ABCC9: variants seen among roughly 807,000 people sequenced by gnomAD.
The protein encoded by ABCC9 is ATP-binding cassette sub-family C member 9.
ABCC9 carries 95 observed loss-of-function variants against 188.3 expected under a neutral mutation model. The observed-to-expected ratio is 0.50, with a 90% CI of 0.43 to 0.60. The LOEUF (loss-of-function observed/expected upper bound fraction) is 0.60. Among genes scored for constraint, ABCC9 ranks in the 20% least tolerant of loss-of-function variants. The pLI, the probability that ABCC9 is intolerant of heterozygous loss-of-function variation, is 0.00. For missense variants in ABCC9, 1,102 were observed against 1,876.3 expected (o/e 0.59, Z 7.62); for synonymous variants, 659 against 652.7 (o/e 1.01, Z -0.15).
chr12:21,861,158 G>T, intron 20 of ABCC9, 103 bp from the exon 21 acceptor site: 1 of 926,054 alleles, frequency 1.1e-6, no homozygotes, highest in African/African-American at 1.6e-5. Flanking sequence ...AACATTTGCT[G>T]AATCACTTAT....
At chr12:21,831,962 C>T (rs1943785920) in intron 30 of ABCC9, among the ~76,000 whole-genome samples, 1 of 152,142 alleles carries the variant, frequency 6.6e-6, no homozygotes, top group Admixed American at 6.5e-5. Context: ...TTCAGATCCA[C>T]TCTTAAAGAG....
chr12:21,901,967 A>G (rs1025851891), intron 12 of ABCC9, among the ~76,000 whole-genome samples: 3 of 152,252 alleles, frequency 2.0e-5, no homozygotes, highest in African/African-American at 7.2e-5. Flanking sequence ...ATAGACATCT[A>G]CAGAACTCTC....
intron 31 of ABCC9, chr12:21,828,658 T>C: frequency 2.6e-6 from 1 of 387,338 alleles, no homozygotes; most frequent in South Asian, 2.2e-5. Context: ...CCAAATGTGC[T>C]CTTTTGGAAA....
chr12:21,850,428 G>A (rs745936106), intron 24 of ABCC9, among the ~76,000 whole-genome samples: 1 of 151,908 alleles, frequency 6.6e-6, no homozygotes, highest in Non-Finnish European at 1.5e-5. Flanking sequence ...AAGGATTCTG[G>A]GCAGGTGCGT....
chr12:21,870,918 C>A (rs959126226), intron 18 of ABCC9, among the ~76,000 whole-genome samples: 1 of 152,062 alleles, frequency 6.6e-6, no homozygotes, highest in African/African-American at 2.4e-5. Flanking sequence ...TTTCTTTATT[C>A]ATTAACACAA....
intron 22 of ABCC9, 71 bp downstream of exon 22, chr12:21,859,515 C>G: frequency 6.9e-7 from 1 of 1,449,454 alleles, no homozygotes; most frequent in Non-Finnish European, 9.7e-7. Context: ...ACTTGACTTA[C>G]ACCTTTTTAA....
chr12:21,909,000 GC>G (rs978406661), intron 10 of ABCC9, among the ~76,000 whole-genome samples: 3 of 151,734 alleles, frequency 2.0e-5, no homozygotes, highest in Admixed American at 2.0e-4. Context: ...TATAATTTAT[GC>G]CTATATGCCA....
At position 21,910,301 on chromosome 12, in the gene ABCC9, A is replaced by G. The variant is rs2137869502; in HGVS notation, c.1176T>C (p.Tyr392=). ...ACGTAGAGAGCCTAAGGATTTTATT[A>G]TAAATCATGGCCTACCAAAAAAAAA... ...NLRGALLAMI[Y]NKILRLSTSN... Residue 392 remains tyrosine, a synonymous_variant, in exon 10 of 40, where the codon TAT becomes TAC. Transcript: ENST00000261200. 10 of 1,591,934 alleles carry G rather than the reference A, an allele frequency of 6.3e-6. No homozygotes were observed. The highest frequency in any genetic ancestry group is 8.5e-6 in the Non-Finnish European group (10 of 1,171,456).
At chr12:21,828,320 A>T (rs1943512344) in intron 31 of ABCC9, 2 of 155,736 alleles carry the variant, frequency 1.3e-5, no homozygotes, top group Admixed American at 1.2e-4. Context: ...CATGCATTCG[A>T]AAGACATTTC....
chr12:21,931,764 C>T (rs937064705), intron 4 of ABCC9, among the ~76,000 whole-genome samples: 4 of 152,008 alleles, frequency 2.6e-5, no homozygotes, highest in Non-Finnish European at 5.9e-5. Context: ...AAAATTAAGC[C>T]TAGAATTGGC....
chr12:21,909,326 A>G (rs970688667), intron 10 of ABCC9, among the ~76,000 whole-genome samples: 2 of 151,970 alleles, frequency 1.3e-5, no homozygotes, highest in Admixed American at 1.3e-4. Context: ...ATAAGTTAAA[A>G]ACTAGCATCT....
intron 15 of ABCC9, among the ~76,000 whole-genome samples, chr12:21,884,123 G>A (rs1026224719): frequency 6.6e-6 from 1 of 150,942 alleles, no homozygotes; most frequent in Non-Finnish European, 1.5e-5. Flanking sequence ...CCAGGCTGGA[G>A]TGCAGTGGCA....
At chr12:21,820,491 TTATATATATAGCC>T (rs1942974156) in intron 31 of ABCC9, among the ~76,000 whole-genome samples, 1 of 151,922 alleles carries the variant, frequency 6.6e-6, no homozygotes, top group South Asian at 2.1e-4. Flanking sequence ...TGACAAAGCC[TTATATATATAGCC>T]TATATATATA....
rs1209534701 is a variant in ABCC9 at position 21,941,382 on chromosome 12, C to A, written c.-319G>T. The stretch of plus-strand genomic sequence containing the variant: ...TGGGCAGAAGCCCCGCGCGCCGCGC[C>A]TGGGGCCGGAGACCTTCCCCATCCC... On this transcript the variant is annotated 5_prime_UTR_variant, in exon 1 of 40. The change creates a new upstream start codon in the 5' untranslated region. Coordinates refer to ENST00000261200, the MANE Select transcript of ABCC9 (RefSeq NM_020297.4). The surrounding 1 kb of genome is among the most constrained non-coding windows in gnomAD (Gnocchi z 5.4). 1 of 152,388 alleles carries A rather than the reference C, an allele frequency of 6.6e-6. No homozygotes were observed. Among genetic ancestry groups the A allele is most frequent in the East Asian group, 1.9e-4 (1 of 5,176 alleles). The allele number at this position is 152,388 out of a possible 1,614,324, so 9.4% of individuals were successfully genotyped here. A position where few individuals can be genotyped will look rare whatever the true frequency, so the allele number is the denominator to read the frequency against.
At chr12:21,924,958 T>C (rs1948990736) in intron 5 of ABCC9, 1 of 152,218 alleles carries the variant, frequency 6.6e-6, no homozygotes, top group Non-Finnish European at 1.5e-5. Context: ...TCAATATCTT[T>C]CATGCATCCA....
chr12:21,819,038 T>C (rs940585072), intron 31 of ABCC9, among the ~76,000 whole-genome samples: 1 of 152,168 alleles, frequency 6.6e-6, no homozygotes, highest in African/African-American at 2.4e-5. Context: ...TTATAAACTC[T>C]TTTCCAAAAT....
At chr12:21,882,959 AGTTCC>A in intron 15 of ABCC9, 86 bp from the exon 16 acceptor site, 1 of 997,264 alleles carries the variant, frequency 1.0e-6, no homozygotes, top group Admixed American at 1.8e-5. Context: ...TTGCTACCTA[AGTTCC>A]AAGAAAAAGA....
intron 16 of ABCC9, among the ~76,000 whole-genome samples, chr12:21,878,750 T>G (rs1438040232): frequency 7.1e-6 from 1 of 140,736 alleles, no homozygotes; most frequent in East Asian, 2.0e-4. Flanking sequence ...GAATGCAATG[T>G]CACCTTCTGA....
At chr12:21,842,185 T>C in intron 29 of ABCC9, 129 bp downstream of exon 29, 1 of 1,147,232 alleles carries the variant, frequency 8.7e-7, no homozygotes, top group Non-Finnish European at 1.3e-6. Context: ...AATTCAAGTT[T>C]TGTGTTTTGG....
Sources: allele counts gnomAD v4.1 joint callset (sites outside exome capture counted in the v4.1 genomes callset), GRCh38; gene constraint gnomAD v4.1.1; non-coding constraint Gnocchi (gnomAD v3.1); transcripts MANE v1.5; gene names NCBI Gene and HGNC (gene_info 2026-07-23, HGNC 2026-07-21).